IREB2: variants seen among roughly 807,000 people sequenced by gnomAD.
The protein encoded by IREB2 is iron responsive element binding protein 2, also known as iron-responsive element-binding protein 2.
A neutral mutation model predicts 118.8 loss-of-function variants in IREB2; 39 were observed. The ratio of observed to expected loss-of-function variants is 0.33; its 90% CI spans 0.25 to 0.43. IREB2 has a LOEUF of 0.43. Among genes scored for constraint, IREB2 ranks in the 20% least tolerant of loss-of-function variants. The probability of loss-of-function intolerance (pLI) is 1.00; values close to 1 mark genes in which losing one functional copy is unlikely to be tolerated. For missense variants in IREB2, 900 were observed against 1,147.3 expected (o/e 0.78, Z 3.11); for synonymous variants, 372 against 392.2 (o/e 0.95, Z 0.61).
chr15:78,488,238 G>T lies in IREB2; in HGVS notation c.1853G>T (p.Cys618Phe). The change falls in exon 15 of 22, where the codon TGT (cysteine) becomes TTT (phenylalanine). Residue 618 changes from cysteine (C) to phenylalanine (F), a missense_variant. Transcript: ENST00000258886. ...AACAAAAATTTTGAAGGTCGTCTTT[G>T]TGATTGTGTTCGTGCCAATTATCTT... ...SGNKNFEGRL[C>F]DCVRANYLAS... 1 of 1,612,360 alleles carries T rather than the reference G, an allele frequency of 6.2e-7. No individual in the cohort carries two copies. Among genetic ancestry groups the T allele is most frequent in the Non-Finnish European group, 8.5e-7 (1 of 1,179,528 alleles).
In IREB2 at chr15:78,500,817, A is replaced by G. The variant is rs1002564329; in HGVS notation, c.*2674A>G. ...GTTATCACTATTTTGTTTTATCTCC[A>G]TGCTGACATTTGAAAGAAGGTACTA... On this transcript the variant is annotated 3_prime_UTR_variant, in exon 22 of 22. Coordinates refer to ENST00000258886, the MANE Select transcript of IREB2 (RefSeq NM_004136.4). 1 of 152,214 alleles carries G rather than the reference A, an allele frequency of 6.6e-6. No homozygotes were observed. 9.4% of individuals were successfully genotyped at this position (152,214 alleles called of 1,614,324 possible).
chr15:78,484,680 T>C (rs1049281721), intron 11 of IREB2, 81 bp from the exon 12 acceptor site: 84 of 913,512 alleles, frequency 9.2e-5, no homozygotes, highest in Non-Finnish European at 1.3e-4. Context: ...AAATGTCCGG[T>C]ATCTGCTATG....
At chr15:78,447,016 G>T (rs930295639) in intron 2 of IREB2, among the ~76,000 whole-genome samples, 1 of 152,082 alleles carries the variant, frequency 6.6e-6, no homozygotes, top group Non-Finnish European at 1.5e-5. Flanking sequence ...TAAATTGGGG[G>T]GTTTATTGTG....
intron 10 of IREB2, 125 bp downstream of exon 10, chr15:78,478,522 G>C (rs2051513576): frequency 1.7e-6 from 1 of 572,632 alleles, no homozygotes; most frequent in South Asian, 2.3e-5. Flanking sequence ...GGGCAATATG[G>C]TAAAACCCTG....
chr15:78,499,685 AATTAT>A lies in IREB2; in HGVS notation c.*1546_*1550del, dbSNP rs1296242073. ...ATAAGTATTTTCTTCGACACTTTCA[AATTAT>A]ATTGTGTTCTTGATATATGCTGTAT... is the stretch of plus-strand genomic sequence containing the variant. On this transcript the variant is annotated 3_prime_UTR_variant, in exon 22 of 22. Coordinates refer to ENST00000258886, the MANE Select transcript of IREB2 (RefSeq NM_004136.4). The A allele has an allele frequency of 2.0e-5, 3 of 152,174 alleles. No homozygotes were observed. Among genetic ancestry groups the A allele is most frequent in the Non-Finnish European group, 4.4e-5 (3 of 68,042 alleles). The allele number at this position is 152,174 out of a possible 1,614,324, so 9.4% of individuals were successfully genotyped here. A position where few individuals can be genotyped will look rare whatever the true frequency, so the allele number is the denominator to read the frequency against.
intron 16 of IREB2, among the ~76,000 whole-genome samples, chr15:78,489,034 A>G (rs555607341): frequency 2.0e-5 from 3 of 152,318 alleles, no homozygotes; most frequent in African/African-American, 7.2e-5. Context: ...AGCCTGACCA[A>G]CATGGAGAAA....
chr15:78,439,765 C>A, intron 1 of IREB2, 30 bp from the exon 2 acceptor site: 4 of 1,202,990 alleles, frequency 3.3e-6, no homozygotes, highest in Non-Finnish European at 4.8e-6. Flanking sequence ...TTTGTTGCTG[C>A]ATTTAATGAA....
At chr15:78,469,974 A>G (rs982649979) in intron 5 of IREB2, among the ~76,000 whole-genome samples, 1 of 152,238 alleles carries the variant, frequency 6.6e-6, no homozygotes, top group African/African-American at 2.4e-5. Flanking sequence ...AGTTTAAATA[A>G]TTCATGTAAA....
At chr15:78,457,171 T>C (rs2051120011) in intron 2 of IREB2, among the ~76,000 whole-genome samples, 1 of 152,192 alleles carries the variant, frequency 6.6e-6, no homozygotes, top group South Asian at 2.1e-4. Flanking sequence ...AAATCATCTC[T>C]GAACTCTCCA....
At chr15:78,454,020 A>T (rs999718326) in intron 2 of IREB2, among the ~76,000 whole-genome samples, 1 of 152,244 alleles carries the variant, frequency 6.6e-6, no homozygotes, top group African/African-American at 2.4e-5. Flanking sequence ...TGGGTACTGT[A>T]TAAAAGACAG....
At chr15:78,478,747 C>T (rs527537575) in intron 10 of IREB2, among the ~76,000 whole-genome samples, 136 of 152,230 alleles carry the variant, frequency 8.9e-4, no homozygotes, top group Middle Eastern at 3.4e-3. Context: ...GAGTACCTGA[C>T]CACCTGGGTT....
chr15:78,466,201 G>GTT (rs955860886), intron 4 of IREB2, 70 bp from the exon 5 acceptor site: 3 of 992,490 alleles, frequency 3.0e-6, no homozygotes, highest in African/African-American at 1.6e-5. Flanking sequence ...GCTAATGTGC[G>GTT]TTTTTTTTTA....
rs1340874096 is a variant in IREB2 at position 78,501,275 on chromosome 15, G to C, written c.*3132G>C. ...AAGTAATCACTTTGTCTATCACTAAGTAATAGACAAAAATCATTGTCTATT... is the reference window on the plus strand; with the variant it reads ...AAGTAATCACTTTGTCTATCACTAACTAATAGACAAAAATCATTGTCTATT... On this transcript the variant is annotated 3_prime_UTR_variant, in exon 22 of 22. Transcript: ENST00000258886. 1 of 152,442 alleles carries C rather than the reference G, an allele frequency of 6.6e-6. No individual in the cohort carries two copies. Among genetic ancestry groups the C allele is most frequent in the Non-Finnish European group, 1.5e-5 (1 of 68,000 alleles). 9.4% of individuals were successfully genotyped at this position (152,442 alleles called of 1,614,324 possible). A position where few individuals can be genotyped will look rare whatever the true frequency, so the allele number is the denominator to read the frequency against.
At chr15:78,451,178 C>T (rs2051019994) in intron 2 of IREB2, among the ~76,000 whole-genome samples, 1 of 152,044 alleles carries the variant, frequency 6.6e-6, no homozygotes, top group South Asian at 2.1e-4. Context: ...GTTGGCCAGG[C>T]TGGTCTCGAA....
intron 2 of IREB2, among the ~76,000 whole-genome samples, chr15:78,445,065 T>C (rs2050905519): frequency 6.6e-6 from 1 of 152,214 alleles, no homozygotes; most frequent in South Asian, 2.1e-4. Context: ...ATTGAAAGTA[T>C]GTTATTTCCT....
chr15:78,463,001 T>A lies in IREB2; in HGVS notation c.186T>A (p.Asp62Glu). 1 of 1,613,760 alleles carries A rather than the reference T, an allele frequency of 6.2e-7. No homozygotes were observed. Among genetic ancestry groups the A allele is most frequent in the Non-Finnish European group, 8.5e-7 (1 of 1,179,832 alleles). The change falls in exon 3 of 22, where the codon GAT becomes GAA. Residue 62 changes from aspartate (D) to glutamate (E), a missense_variant. Transcript: ENST00000258886. ...NCDGFLMKKE[D>E]VMNILDWKTK... is the part of the protein sequence containing the mutation. ...ATGGCTTTTTAATGAAGAAGGAAGA[T>A]GTTATGAACATTTTAGACTGGAAAA...
chr15:78,440,370 CTT>C (rs35095780), intron 2 of IREB2, among the ~76,000 whole-genome samples: 1 of 143,820 alleles, frequency 7.0e-6, no homozygotes, highest in Non-Finnish European at 1.5e-5. Flanking sequence ...CTTTTCTTTT[CTT>C]TTTTTTTTTG....
intron 19 of IREB2, 28 bp downstream of exon 19, chr15:78,494,084 A>G: frequency 4.3e-6 from 7 of 1,612,884 alleles, no homozygotes; most frequent in Non-Finnish European, 5.9e-6. Context: ...GTATTTAGAC[A>G]ATTTATAACT....
In IREB2 at chr15:78,463,500, G is replaced by A. The variant is rs1485551723; in HGVS notation, c.272+413G>A. On this transcript the variant is annotated intron_variant, in intron 3 of 21. Coordinates refer to ENST00000258886, the MANE Select transcript of IREB2 (RefSeq NM_004136.4). Reference sequence around the variant, plus strand: ...CTAATGGATGGCTCTGTGTTTTTTTGTTTTGTTTTGTTTTTGTTTGTTTTT... The same window carrying A: ...CTAATGGATGGCTCTGTGTTTTTTTATTTTGTTTTGTTTTTGTTTGTTTTT... 3.3e-5 allele frequency among the ~76,000 whole-genome samples: 5 copies of A among 151,078 alleles called. No individual in the cohort carries two copies. The East Asian group carries it at 9.7e-4, about 29-fold the overall frequency.
Sources: allele counts gnomAD v4.1 joint callset (sites outside exome capture counted in the v4.1 genomes callset), GRCh38; gene constraint gnomAD v4.1.1; transcripts MANE v1.5; gene names NCBI Gene and HGNC (gene_info 2026-07-23, HGNC 2026-07-21).